The following SBF2 variants were observed in gnomAD, a reference collection of about 807,000 sequenced individuals.
SBF2 encodes SET binding factor 2, also known as myotubularin-related protein 13.
A neutral mutation model predicts 225.2 loss-of-function variants in SBF2; 112 were observed. That is an observed-to-expected ratio of 0.50 (90% CI 0.43 to 0.58). The LOEUF is 0.58. Among genes scored for constraint, SBF2 ranks in the 20% least tolerant of loss-of-function variants. The probability of loss-of-function intolerance (pLI) is 0.00; values close to 1 mark genes in which losing one functional copy is unlikely to be tolerated. For synonymous variants in SBF2, 763 were observed against 773.3 expected, an observed-to-expected ratio of 0.99 and a Z score of 0.22; for missense variants, 1,996 against 2,206.2, an observed-to-expected ratio of 0.90 and a Z score of 1.91.
chr11:10,113,139 G>A (rs1342282833), intron 2 of SBF2, among the ~76,000 whole-genome samples: 1 of 151,914 alleles, frequency 6.6e-6, no homozygotes, highest in Non-Finnish European at 1.5e-5. Context: ...GACCAGAGGT[G>A]CACACCACCA....
chr11:9,950,899 G>C (rs1272293578), intron 16 of SBF2, among the ~76,000 whole-genome samples: 3 of 152,156 alleles, frequency 2.0e-5, no homozygotes, highest in Non-Finnish European at 4.4e-5. Flanking sequence ...TTTTTAGTGA[G>C]AGACTACTCC....
intron 2 of SBF2, among the ~76,000 whole-genome samples, chr11:10,140,855 T>C (rs1472097968): frequency 3.3e-5 from 5 of 152,198 alleles, no homozygotes; most frequent in Non-Finnish European, 5.9e-5. Flanking sequence ...GGTTGGAAAT[T>C]GGTTGATGTG....
intron 2 of SBF2, among the ~76,000 whole-genome samples, chr11:10,175,490 A>T (rs1366997106): frequency 1.3e-5 from 2 of 151,700 alleles, no homozygotes; most frequent in African/African-American, 4.8e-5. Flanking sequence ...CACCCAATAC[A>T]GGAGCACCCA....
chr11:10,211,017 A>AAAAAAAAAAAAAAAAAAAAAAAG, intron 1 of SBF2, among the ~76,000 whole-genome samples: 1 of 137,950 alleles, frequency 7.2e-6, no homozygotes, highest in African/African-American at 3.1e-5. Context: ...CTTGACTCAA[A>AAAAAAAAAAAAAAAAAAAAAAAG]AAAAAAAAAA....
chr11:10,198,198 G>T (rs532318832), intron 1 of SBF2, among the ~76,000 whole-genome samples: 17 of 152,314 alleles, frequency 1.1e-4, no homozygotes, highest in African/African-American at 3.1e-4. Context: ...CAGGCTTATG[G>T]AATGTATTTC....
intron 36 of SBF2, among the ~76,000 whole-genome samples, chr11:9,787,405 G>A (rs1852445123): frequency 6.6e-6 from 1 of 152,124 alleles, no homozygotes; most frequent in African/African-American, 2.4e-5. Flanking sequence ...TTGGATTCGG[G>A]GTGCTGAGAC....
intron 1 of SBF2, among the ~76,000 whole-genome samples, chr11:10,202,598 A>T (rs1957604148): frequency 6.6e-6 from 1 of 152,204 alleles, no homozygotes; most frequent in Non-Finnish European, 1.5e-5. Context: ...ATCCTAGCTA[A>T]CACGGTGAAA....
intron 6 of SBF2, among the ~76,000 whole-genome samples, chr11:10,003,364 T>C (rs1172819067): frequency 2.2e-5 from 3 of 133,764 alleles, no homozygotes; most frequent in African/African-American, 7.9e-5. Flanking sequence ...TTTTTCTTTT[T>C]CTTTTTTCTT....
intron 1 of SBF2, among the ~76,000 whole-genome samples, chr11:10,293,783 C>T (rs913969806): frequency 6.6e-6 from 1 of 152,180 alleles, no homozygotes; most frequent in Non-Finnish European, 1.5e-5. Context: ...AGCGGGTGCG[C>T]CCAGGGGCTG....
At chr11:9,891,482 G>C (rs1160803566) in intron 17 of SBF2, among the ~76,000 whole-genome samples, 1 of 152,176 alleles carries the variant, frequency 6.6e-6, no homozygotes, top group African/African-American at 2.4e-5. Context: ...AAGGCCATTA[G>C]TATGTGTCGT....
At chr11:10,234,739 T>C (rs1347162296) in intron 1 of SBF2, among the ~76,000 whole-genome samples, 1 of 152,210 alleles carries the variant, frequency 6.6e-6, no homozygotes, top group South Asian at 2.1e-4. Context: ...AACTTAAATG[T>C]CGTCTTCTCA....
intron 16 of SBF2, among the ~76,000 whole-genome samples, chr11:9,899,996 G>A (rs1240376207): frequency 6.7e-6 from 1 of 149,352 alleles, no homozygotes; most frequent in African/African-American, 2.5e-5. Flanking sequence ...GAAATGCTGG[G>A]TAAACAAAAT....
intron 16 of SBF2, among the ~76,000 whole-genome samples, chr11:9,932,630 A>T (rs1864577671): frequency 6.6e-6 from 1 of 152,154 alleles, no homozygotes; most frequent in Non-Finnish European, 1.5e-5. Context: ...TCCTGAAGGA[A>T]GCATAAACAT....
chr11:9,782,196 A>G (rs1476116849), intron 38 of SBF2, among the ~76,000 whole-genome samples: 1 of 151,864 alleles, frequency 6.6e-6, no homozygotes, highest in African/African-American at 2.4e-5. Context: ...AAAAAAAAAA[A>G]AGAAGTCAAG....
chr11:10,024,644 A>C (rs941499581), intron 6 of SBF2, among the ~76,000 whole-genome samples: 4 of 152,110 alleles, frequency 2.6e-5, no homozygotes, highest in African/African-American at 9.7e-5. Context: ...CACAGAAACA[A>C]GTCCCTTAGG....
intron 2 of SBF2, among the ~76,000 whole-genome samples, chr11:10,119,136 A>G (rs185844912): frequency 6.3e-4 from 96 of 152,270 alleles, no homozygotes; most frequent in African/African-American, 2.2e-3. Context: ...CAGAATATTT[A>G]AATGGTAGTT....
intron 2 of SBF2, among the ~76,000 whole-genome samples, chr11:10,126,455 G>A (rs1953762253): frequency 6.6e-6 from 1 of 152,038 alleles, no homozygotes; most frequent in African/African-American, 2.4e-5. Flanking sequence ...AAGGAAAGAG[G>A]AAGGCAAAGG....
At chr11:10,149,941 A>G (rs1368504144) in intron 2 of SBF2, among the ~76,000 whole-genome samples, 1 of 152,112 alleles carries the variant, frequency 6.6e-6, no homozygotes, top group Non-Finnish European at 1.5e-5. Context: ...TTTGAAGGAA[A>G]TTTTAGGGTT....
chr11:10,291,801 A>G lies in SBF2; in HGVS notation c.55+2214T>C, dbSNP rs150958309. 3.2e-3 allele frequency among the ~76,000 whole-genome samples: 487 copies of G among 152,362 alleles called. 2 individuals carry two copies. The highest frequency in any genetic ancestry group is 0.011 in the African/African-American group (466 of 41,578). ...AAAAACAATTAAGTATTAACTTTACAGTGGAGAAGCCTCGCAGATATTACT... is the reference window on the plus strand; with the variant it reads ...AAAAACAATTAAGTATTAACTTTACGGTGGAGAAGCCTCGCAGATATTACT... On this transcript the variant is annotated intron_variant, in intron 1 of 39. Transcript: ENST00000256190.
Sources: allele counts gnomAD v4.1 joint callset (sites outside exome capture counted in the v4.1 genomes callset), GRCh38; gene constraint gnomAD v4.1.1; transcripts MANE v1.5; gene names NCBI Gene and HGNC (gene_info 2026-07-23, HGNC 2026-07-21).